The following PRKAA1 variants were observed in gnomAD, a reference collection of about 807,000 sequenced individuals.
The protein encoded by PRKAA1 is 5'-AMP-activated protein kinase catalytic subunit alpha-1.
PRKAA1 carries 23 observed loss-of-function variants against 56.9 expected under a neutral mutation model. The ratio of observed to expected loss-of-function variants is 0.40; its 90% CI spans 0.29 to 0.57. The LOEUF (loss-of-function observed/expected upper bound fraction) is 0.57. Among genes scored for constraint, PRKAA1 ranks in the 20% least tolerant of loss-of-function variants. The pLI is 0.39. For missense variants in PRKAA1, 413 were observed against 679.7 expected, an observed-to-expected ratio of 0.61 and a Z score of 4.36; for synonymous variants, 226 against 227.0, an observed-to-expected ratio of 1.00 and a Z score of 0.04.
At chr5:40,793,407 C>T (rs1411130865) in intron 1 of PRKAA1, among the ~76,000 whole-genome samples, 1 of 152,156 alleles carries the variant, frequency 6.6e-6, no homozygotes, top group African/African-American at 2.4e-5. Context: ...AGTAACCAAA[C>T]AAATTTTTTG....
chr5:40,784,637 A>C (rs188017336), intron 1 of PRKAA1, among the ~76,000 whole-genome samples: 2 of 152,210 alleles, frequency 1.3e-5, no homozygotes, highest in Non-Finnish European at 2.9e-5. Context: ...TACAACATAA[A>C]TCTAGTTCCT....
chr5:40,790,583 A>C (rs569843569), intron 1 of PRKAA1, among the ~76,000 whole-genome samples: 1 of 147,098 alleles, frequency 6.8e-6, no homozygotes, highest in East Asian at 2.0e-4. Flanking sequence ...CTCTGTCGCC[A>C]GGCTGGAGTG....
Position 40,767,840 on chromosome 5 carries a change from C to A in PRKAA1, c.597-150G>T, listed in dbSNP as rs1743537752. 4.4e-6 allele frequency: 3 copies of A among 675,272 alleles called. No individual in the cohort carries two copies. The South Asian group carries it at 6.4e-5, about 14-fold the overall frequency. 41.8% of individuals were successfully genotyped at this position (675,272 alleles called of 1,614,324 possible). A position where few individuals can be genotyped will look rare whatever the true frequency, so the allele number is the denominator to read the frequency against. On this transcript the variant is annotated intron_variant, in intron 5 of 8. Coordinates refer to ENST00000397128, the MANE Select transcript of PRKAA1 (RefSeq NM_006251.6). The stretch of plus-strand genomic sequence containing the variant: ...CTACATGTTACAACGTTAATTCCAT[C>A]AGTATTATCTTTGAAAACAAAAGTC...
rs985745574 is a variant in PRKAA1 at position 40,767,758 on chromosome 5, C to G, written c.597-68G>C. 15 of 1,294,204 alleles carry G rather than the reference C, an allele frequency of 1.2e-5. No individual in the cohort carries two copies. In the South Asian group the frequency reaches 2.1e-4, roughly 18 times the overall value. 80.2% of individuals were successfully genotyped at this position (1,294,204 alleles called of 1,614,324 possible). On this transcript the variant is annotated intron_variant, in intron 5 of 8. Transcript: ENST00000397128. The stretch of plus-strand genomic sequence containing the variant: ...CTAAGATTCAGTTCATCAAAAACTT[C>G]AAATATGGATATTTCATAAAGAATT...
chr5:40,785,483 G>GC lies in PRKAA1; in HGVS notation c.128-7898dup, dbSNP rs202103552. On this transcript the variant is annotated intron_variant, in intron 1 of 8. Transcript: ENST00000397128. ...TTGAACTCCTGACCGCAGGTGATCC[G>GC]CCCCCCCTCGGCCTCCCAAAGTGCT... 3.3e-3 allele frequency among the ~76,000 whole-genome samples: 505 copies of GC among 151,628 alleles called. 5 individuals carry two copies. The highest frequency in any genetic ancestry group is 0.011 in the African/African-American group (466 of 41,350).
At chr5:40,775,300 G>A (rs1318066317) in intron 3 of PRKAA1, 110 bp downstream of exon 3, 3 of 798,568 alleles carry the variant, frequency 3.8e-6, no homozygotes, top group African/African-American at 3.5e-5. Flanking sequence ...TATGACTAAG[G>A]GAACTGGTTA....
chr5:40,788,325 G>A (rs1053526388), intron 1 of PRKAA1, among the ~76,000 whole-genome samples: 1 of 152,188 alleles, frequency 6.6e-6, no homozygotes, highest in Admixed American at 6.5e-5. Context: ...ACATACAGAA[G>A]AATGGAAATG....
At chr5:40,783,449 T>C (rs1228181659) in intron 1 of PRKAA1, among the ~76,000 whole-genome samples, 2 of 152,142 alleles carry the variant, frequency 1.3e-5, no homozygotes, top group Non-Finnish European at 2.9e-5. Context: ...TGCTTTGTAT[T>C]CTTATCAGTT....
At position 40,789,075 on chromosome 5, in the gene PRKAA1, G is replaced by A. The variant is rs1381583870; in HGVS notation, c.127+8988C>T. 2.0e-5 allele frequency among the ~76,000 whole-genome samples: 3 copies of A among 151,856 alleles called. No individual in the cohort carries two copies. In the East Asian group the frequency reaches 5.8e-4, roughly 30 times the overall value. On this transcript the variant is annotated intron_variant, in intron 1 of 8. Transcript: ENST00000397128. ...AACATACATAAATTAGCCAGGCGTGGTGGTGTATGCCTGTAGTCCCAGCTA... is the reference window on the plus strand; with the variant it reads ...AACATACATAAATTAGCCAGGCGTGATGGTGTATGCCTGTAGTCCCAGCTA...
At chr5:40,792,274 T>C (rs1390192362) in intron 1 of PRKAA1, among the ~76,000 whole-genome samples, 1 of 152,240 alleles carries the variant, frequency 6.6e-6, no homozygotes, top group African/African-American at 2.4e-5. Flanking sequence ...CTCTAAAATA[T>C]ACAAAGTTCC....
At chr5:40,770,203 C>G (rs1399167155) in intron 4 of PRKAA1, among the ~76,000 whole-genome samples, 1 of 152,156 alleles carries the variant, frequency 6.6e-6, no homozygotes, top group Admixed American at 6.5e-5. Context: ...TGGCTCACGC[C>G]TGTAATCCCA....
At chr5:40,778,562 G>A (rs1255623023) in intron 1 of PRKAA1, among the ~76,000 whole-genome samples, 1 of 151,790 alleles carries the variant, frequency 6.6e-6, no homozygotes, top group Non-Finnish European at 1.5e-5. Flanking sequence ...TTTTCTTTTA[G>A]TATCATTTAT....
At chr5:40,789,031 T>C (rs1047282639) in intron 1 of PRKAA1, among the ~76,000 whole-genome samples, 5 of 151,908 alleles carry the variant, frequency 3.3e-5, no homozygotes, top group African/African-American at 7.3e-5. Flanking sequence ...AGCAACACAG[T>C]GAGACCTTGT....
intron 5 of PRKAA1, chr5:40,768,405 T>A: frequency 1.1e-6 from 1 of 914,368 alleles, no homozygotes; most frequent in East Asian, 1.2e-4. Context: ...ACATTTCTTT[T>A]TATTTATTTA....
intron 5 of PRKAA1, chr5:40,768,263 A>G (rs1234433962): frequency 1.2e-5 from 3 of 249,622 alleles, no homozygotes; most frequent in African/African-American, 7.0e-5. Context: ...AAATTTATGT[A>G]CTGCTGAACT....
intron 1 of PRKAA1, among the ~76,000 whole-genome samples, chr5:40,793,307 A>G (rs758179310): frequency 7.2e-4 from 110 of 152,242 alleles, no homozygotes; most frequent in Non-Finnish European, 9.7e-4. Context: ...GAAAAAAAAA[A>G]GATGCCTTGG....
At position 40,797,988 on chromosome 5, in the gene PRKAA1, G is replaced by A. The variant is rs894794234; in HGVS notation, c.127+75C>T. 3.8e-6 allele frequency: 6 copies of A among 1,567,370 alleles called. No homozygotes were observed. In the Admixed American group the frequency reaches 8.6e-5, roughly 22 times the overall value. ...AAGAAGGGACGCAGCGGGCGGGGGA[G>A]GATGAAGAGGTGCGGAAAGCGGAAG... On this transcript the variant is annotated intron_variant, in intron 1 of 8. Transcript: ENST00000397128.
chr5:40,762,965 C>T lies in PRKAA1; in HGVS notation c.1493G>A (p.Ser498Asn). The T allele has an allele frequency of 6.2e-7, 1 of 1,614,122 alleles. No individual in the cohort carries two copies. Among genetic ancestry groups the T allele is most frequent in the Non-Finnish European group, 8.5e-7 (1 of 1,179,976 alleles). Residue 498 changes from serine to asparagine, a missense_variant, in exon 9 of 9, where the codon AGC (serine) becomes AAC (asparagine). By Grantham distance (46) the Ser-to-Asn change is conservative. This residue lies in a region of PRKAA1 where 139 missense variants were observed against 171.5 expected (regional missense o/e 0.81). Coordinates refer to ENST00000397128, the MANE Select transcript of PRKAA1 (RefSeq NM_006251.6). ...TATPQRSGSV[S>N]NYRSCQRSDS... ...ACTCCTTTGGCAAGATCGATAGTTG[C>T]TAACTGATCCCGATCTCTGTGGAGT...
intron 1 of PRKAA1, among the ~76,000 whole-genome samples, chr5:40,797,640 G>T (rs1451019882): frequency 3.3e-5 from 5 of 152,220 alleles, no homozygotes; most frequent in African/African-American, 1.2e-4. Flanking sequence ...GCCAAGGACC[G>T]CCAAGGAAGC....
Sources: gnomAD v4.1 joint callset for allele counts (sites outside exome capture counted in the v4.1 genomes callset) on GRCh38, gnomAD v4.1.1 for gene constraint, gnomAD v4.1.1 regional missense constraint, MANE v1.5 for transcripts, NCBI Gene and HGNC (gene_info 2026-07-23, HGNC 2026-07-21) for gene names.